Variants in CDYL2 observed in about 807,000 individuals in gnomAD.
CDYL2 encodes the protein chromodomain Y-like protein 2.
In CDYL2, 23 loss-of-function variants were observed where a neutral mutation model predicts 49.4. The ratio of observed to expected loss-of-function variants is 0.47; its 90% CI spans 0.34 to 0.66. The LOEUF (loss-of-function observed/expected upper bound fraction) is 0.66. Ranked by LOEUF, CDYL2 falls within the 30% of genes least tolerant of loss-of-function variation. CDYL2 has a pLI of 0.01. For synonymous variants in CDYL2, 360 were observed against 268.8 expected (o/e 1.34, Z -3.32); for missense variants, 678 against 656.4 (o/e 1.03, Z -0.36).
intron 2 of CDYL2, among the ~76,000 whole-genome samples, chr16:80,651,742 C>T (rs899826611): frequency 2.6e-5 from 4 of 152,200 alleles, no homozygotes; most frequent in Admixed American, 2.0e-4. Context: ...TAGAAATGAG[C>T]GGAGTTTGTG....
chr16:80,757,616 A>G (rs1906358693), intron 1 of CDYL2, among the ~76,000 whole-genome samples: 1 of 151,468 alleles, frequency 6.6e-6, no homozygotes, highest in African/African-American at 2.4e-5. Flanking sequence ...ATATCAAAAT[A>G]TTTGCCATTT....
intron 1 of CDYL2, among the ~76,000 whole-genome samples, chr16:80,748,506 T>TAAAAAAA (rs538432449): frequency 1.6e-4 from 3 of 19,138 alleles, no homozygotes; most frequent in African/African-American, 1.6e-4. Context: ...AAAACTCCAT[T>TAAAAAAA]AAAAAAAAAA....
At chr16:80,663,548 C>T (rs1336982493) in intron 2 of CDYL2, among the ~76,000 whole-genome samples, 1 of 152,166 alleles carries the variant, frequency 6.6e-6, no homozygotes, top group South Asian at 2.1e-4. Context: ...ATCACTACAT[C>T]CAACACCTCT....
At chr16:80,712,066 G>GTGTGTATATATGTGTGTATATAT (rs1567580939) in intron 1 of CDYL2, among the ~76,000 whole-genome samples, 2 of 148,030 alleles carry the variant, frequency 1.4e-5, no homozygotes, top group African/African-American at 5.0e-5. Flanking sequence ...TGTGTGTATA[G>GTGTGTATATATGTGTGTATATAT]ATGTGTGTAT....
chr16:80,612,935 G>A lies in CDYL2; in HGVS notation c.1008-99C>T. On this transcript the variant is annotated intron_variant, in intron 4 of 6. Transcript: ENST00000570137. The surrounding 1 kb of genome is among the most constrained non-coding windows in gnomAD (Gnocchi z 5.0). The stretch of plus-strand genomic sequence containing the variant: ...CAGGTGCTGTGAGGAGCACCCTCAG[G>A]TCGTCAGAGGTTAGAGGTGCCAGGC... 2.7e-6 allele frequency: 3 copies of A among 1,111,824 alleles called. No homozygotes were observed. Among genetic ancestry groups the A allele is most frequent in the African/African-American group, 1.6e-5 (1 of 63,242 alleles). The allele number at this position is 1,111,824 out of a possible 1,614,324, so 68.9% of individuals were successfully genotyped here. A position where few individuals can be genotyped will look rare whatever the true frequency, so the allele number is the denominator to read the frequency against.
At chr16:80,702,578 C>G (rs1481049941) in intron 1 of CDYL2, among the ~76,000 whole-genome samples, 1 of 152,056 alleles carries the variant, frequency 6.6e-6, no homozygotes, top group Non-Finnish European at 1.5e-5. Flanking sequence ...AGTGACAACC[C>G]ATCTCTACAA....
intron 6 of CDYL2, among the ~76,000 whole-genome samples, chr16:80,606,277 C>G (rs183169071): frequency 2.1e-4 from 32 of 152,352 alleles, no homozygotes; most frequent in African/African-American, 6.7e-4. Context: ...TAGTTCCTTT[C>G]TTGGGAAACC....
chr16:80,799,630 T>C (rs1907867110), intron 1 of CDYL2, among the ~76,000 whole-genome samples: 3 of 152,182 alleles, frequency 2.0e-5, no homozygotes, highest in East Asian at 1.9e-4. Context: ...TTCTTAGCAA[T>C]TGGCCAGGCT....
intron 3 of CDYL2, among the ~76,000 whole-genome samples, chr16:80,629,116 T>C (rs1278211978): frequency 6.6e-6 from 1 of 152,030 alleles, no homozygotes; most frequent in African/African-American, 2.4e-5. Context: ...ACGCTGAGGG[T>C]TCTGACTGTC....
intron 2 of CDYL2, among the ~76,000 whole-genome samples, chr16:80,662,945 G>A (rs1460949439): frequency 2.0e-5 from 3 of 151,948 alleles, no homozygotes; most frequent in Admixed American, 6.6e-5. Context: ...CACAAAGAAC[G>A]ACACAAGTCA....
chr16:80,681,858 T>C (rs1909979802), intron 2 of CDYL2, among the ~76,000 whole-genome samples: 2 of 152,186 alleles, frequency 1.3e-5, no homozygotes, highest in Admixed American at 6.5e-5. Flanking sequence ...AGTCCATACC[T>C]ATCTCTTCAT....
chr16:80,793,874 C>A (rs890152592), intron 1 of CDYL2, among the ~76,000 whole-genome samples: 3 of 152,070 alleles, frequency 2.0e-5, no homozygotes. Context: ...TTTAATGAGG[C>A]CCAAAGATGT....
At chr16:80,752,769 A>G (rs1023643643) in intron 1 of CDYL2, among the ~76,000 whole-genome samples, 3 of 152,068 alleles carry the variant, frequency 2.0e-5, no homozygotes, top group Non-Finnish European at 4.4e-5. Context: ...TGGTGTAAAT[A>G]CTCCCGCTGT....
At chr16:80,634,736 C>T (rs901106831) in intron 2 of CDYL2, among the ~76,000 whole-genome samples, 3 of 152,004 alleles carry the variant, frequency 2.0e-5, no homozygotes, top group Non-Finnish European at 2.9e-5. Context: ...TTTCTTTAAT[C>T]AAGACACAAA....
intron 2 of CDYL2, among the ~76,000 whole-genome samples, chr16:80,646,464 T>C (rs969913726): frequency 6.6e-6 from 1 of 152,074 alleles, no homozygotes; most frequent in Admixed American, 6.5e-5. Context: ...TGTACTAAAC[T>C]CTTCAATCAA....
intron 1 of CDYL2, among the ~76,000 whole-genome samples, chr16:80,728,419 C>A (rs1905231927): frequency 6.6e-6 from 1 of 152,156 alleles, no homozygotes; most frequent in East Asian, 1.9e-4. Flanking sequence ...AAGAAACGAA[C>A]AAAGCCTCCA....
At chr16:80,653,258 G>C (rs778651105) in intron 2 of CDYL2, among the ~76,000 whole-genome samples, 1 of 152,220 alleles carries the variant, frequency 6.6e-6, no homozygotes. Context: ...CTGAGGTCAG[G>C]AGTTTGAGAC....
At chr16:80,709,492 G>C (rs140547568) in intron 1 of CDYL2, among the ~76,000 whole-genome samples, 1 of 151,222 alleles carries the variant, frequency 6.6e-6, no homozygotes, top group South Asian at 2.1e-4. Context: ...TTTCGTCCAT[G>C]AGAAGCACTA....
chr16:80,623,613 T>A (rs1263810699), intron 3 of CDYL2, among the ~76,000 whole-genome samples: 1 of 152,180 alleles, frequency 6.6e-6, no homozygotes, highest in Non-Finnish European at 1.5e-5. Context: ...AGGAAATTCA[T>A]ATGCATGTTA....
Sources: allele counts gnomAD v4.1 joint callset (sites outside exome capture counted in the v4.1 genomes callset), GRCh38; gene constraint gnomAD v4.1.1; non-coding constraint Gnocchi (gnomAD v3.1); transcripts MANE v1.5; gene names NCBI Gene and HGNC (gene_info 2026-07-23, HGNC 2026-07-21).